LYRM4: variants seen among roughly 807,000 people sequenced by gnomAD.
The protein encoded by LYRM4 is LYR motif-containing protein 4.
LYRM4 carries 9 observed loss-of-function variants against 11.7 expected under a neutral mutation model. The ratio of observed to expected loss-of-function variants is 0.77; its 90% CI spans 0.46 to 1.34. The LOEUF is 1.34. LYRM4 is among the 40% of genes most tolerant of loss of function. The pLI is 0.00. For synonymous variants in LYRM4, 42 were observed against 40.4 expected (o/e 1.04, Z -0.15); for missense variants, 133 against 112.5 (o/e 1.18, Z -0.82).
intron 2 of LYRM4, among the ~76,000 whole-genome samples, chr6:5,216,131 C>T (rs765594226): frequency 1.3e-5 from 2 of 152,184 alleles, no homozygotes; most frequent in South Asian, 2.1e-4. Flanking sequence ...AGCACCCAAG[C>T]AGCTGTACTT....
chr6:5,210,429 T>A (rs570049106), intron 2 of LYRM4, among the ~76,000 whole-genome samples: 1 of 152,026 alleles, frequency 6.6e-6, no homozygotes, highest in Admixed American at 6.6e-5. Context: ...AATACCAGCA[T>A]CTGAAGAATT....
the LYRM4 span, among the ~76,000 whole-genome samples, chr6:5,079,304 G>T: frequency 6.6e-6 from 1 of 152,162 alleles, no homozygotes; most frequent in Non-Finnish European, 1.5e-5. Flanking sequence ...TAATTTAGTA[G>T]GTTTGTTTAC....
the LYRM4 span, chr6:5,089,537 T>C: frequency 6.6e-6 from 1 of 152,208 alleles, no homozygotes; most frequent in African/African-American, 2.4e-5. Context: ...AAATCTGGAC[T>C]CAAACAAGAG....
At chr6:5,085,411 C>A in the LYRM4 span, 2 of 1,140,644 alleles carry the variant, frequency 1.8e-6, no homozygotes, top group Non-Finnish European at 2.4e-6. Context: ...TGCGCTCCTT[C>A]CACGGCCCGA....
At chr6:5,242,718 T>C (rs1763955430) in intron 1 of LYRM4, among the ~76,000 whole-genome samples, 1 of 149,876 alleles carries the variant, frequency 6.7e-6, no homozygotes, top group South Asian at 2.1e-4. Flanking sequence ...AAACCCCTTC[T>C]CAAAACAACA....
In LYRM4 at chr6:5,138,858, G is replaced by A. The variant is rs559175282; in HGVS notation, c.208-29367C>T. On this transcript the variant is annotated intron_variant, in intron 2 of 2. Transcript: ENST00000330636. ...GGTGTTTAAGACAGGTTAAAAGCTA[G>A]AAATGAGATTAATCCTTTAGACATA... is the stretch of plus-strand genomic sequence containing the variant. The A allele has an allele frequency of 2.6e-5, 18 of 687,158 alleles. No homozygotes were observed. The African/African-American group carries it at 3.3e-4, about 13-fold the overall frequency. 42.6% of individuals were successfully genotyped at this position (687,158 alleles called of 1,614,324 possible). A position where few individuals can be genotyped will look rare whatever the true frequency, so the allele number is the denominator to read the frequency against.
chr6:5,173,170 A>G (rs60612953), intron 2 of LYRM4, among the ~76,000 whole-genome samples: 1 of 152,222 alleles, frequency 6.6e-6, no homozygotes, highest in African/African-American at 2.4e-5. Flanking sequence ...GCTGTTTTCA[A>G]CCATCTGTCC....
chr6:5,253,613 CAAG>C (rs1421801637), intron 1 of LYRM4, among the ~76,000 whole-genome samples: 1 of 152,044 alleles, frequency 6.6e-6, no homozygotes, highest in Non-Finnish European at 1.5e-5. Context: ...TGTGGTGGTT[CAAG>C]AAGTTTTGCA....
rs560767675 is a variant in LYRM4, at chr6:5,108,698, G to A, written c.*725C>T. 1 of 844,952 alleles carries A rather than the reference G, an allele frequency of 1.2e-6. No homozygotes were observed. The highest frequency in any genetic ancestry group is 1.8e-5 in the African/African-American group (1 of 54,498). 52.3% of individuals were successfully genotyped at this position (844,952 alleles called of 1,614,324 possible). ...GCTTCAGGGTATGGGAGTCGCCCTGGGCTTGGGTCAGGCTGGGGCTCTCTC... is the reference window on the plus strand; with the variant it reads ...GCTTCAGGGTATGGGAGTCGCCCTGAGCTTGGGTCAGGCTGGGGCTCTCTC... On this transcript the variant is annotated 3_prime_UTR_variant, in exon 3 of 3. Transcript: ENST00000330636.
At chr6:5,062,255 T>C in the LYRM4 span, among the ~76,000 whole-genome samples, 9 of 135,232 alleles carry the variant, frequency 6.7e-5, no homozygotes, top group East Asian at 1.6e-3. Context: ...AGCTAATTAA[T>C]ATATATTAAT....
chr6:5,241,704 G>C (rs572273347), intron 1 of LYRM4, among the ~76,000 whole-genome samples: 10 of 152,156 alleles, frequency 6.6e-5, no homozygotes, highest in Non-Finnish European at 1.0e-4. Flanking sequence ...CCAGTGCCTA[G>C]AACAGTGCCT....
chr6:5,062,081 CTTTTTTTTT>C, the LYRM4 span, among the ~76,000 whole-genome samples: 6 of 117,280 alleles, frequency 5.1e-5, no homozygotes, highest in Non-Finnish European at 8.8e-5. Flanking sequence ...CTTCCTTCTT[CTTTTTTTTT>C]TTTTTTTTTT....
chr6:5,197,544 G>A (rs2746226), intron 2 of LYRM4, among the ~76,000 whole-genome samples: 44,374 of 151,598 alleles, frequency 0.29, 6,792 homozygotes, highest in African/African-American at 0.39. Context: ...GCATGGTGGC[G>A]GGTGCCTGTA....
intron 2 of LYRM4, among the ~76,000 whole-genome samples, chr6:5,125,478 G>A (rs1009986527): frequency 5.3e-5 from 8 of 152,174 alleles, no homozygotes; most frequent in African/African-American, 7.2e-5. Context: ...AGTGCCTCGC[G>A]TGGTGCCTCA....
At chr6:5,100,992 G>A (rs555079610), downstream of LYRM4, among the ~76,000 whole-genome samples, 36 of 152,100 alleles carry the variant, frequency 2.4e-4, no homozygotes, top group East Asian at 5.4e-3. Context: ...TTACGTCTCC[G>A]TGCCTGCCAC....
In LYRM4 at chr6:5,231,439, C is replaced by T. The variant is rs75405496; in HGVS notation, c.87-14701G>A. 6.0e-3 allele frequency among the ~76,000 whole-genome samples: 916 copies of T among 152,308 alleles called. 10 individuals carry two copies. Among genetic ancestry groups the T allele is most frequent in the South Asian group, 0.043 (209 of 4,824 alleles). On this transcript the variant is annotated intron_variant, in intron 1 of 2. Transcript: ENST00000330636. ...CCTCTGTTCCCTCAATCCCTGAATA[C>T]TGGATTGAATCCAGGGCAAGAGAGC...
chr6:5,198,847 A>G (rs1173680499), intron 2 of LYRM4, among the ~76,000 whole-genome samples: 2 of 152,214 alleles, frequency 1.3e-5, no homozygotes, highest in Non-Finnish European at 2.9e-5. Context: ...TATAAAAGGT[A>G]TATCTTACAC....
intron 1 of LYRM4, among the ~76,000 whole-genome samples, chr6:5,235,272 A>G (rs1194649348): frequency 2.0e-5 from 3 of 151,946 alleles, no homozygotes; most frequent in African/African-American, 7.3e-5. Flanking sequence ...CCTCCTGAAT[A>G]GCTGGGATTA....
intron 1 of LYRM4, among the ~76,000 whole-genome samples, chr6:5,229,003 C>CAAAA (rs70974180): frequency 6.1e-4 from 23 of 37,952 alleles, no homozygotes; most frequent in African/African-American, 6.8e-4. Flanking sequence ...GGCTCAGTCT[C>CAAAA]AAAAAAAAAA....
Sources: allele counts gnomAD v4.1 joint callset (sites outside exome capture counted in the v4.1 genomes callset), GRCh38; gene constraint gnomAD v4.1.1; transcripts MANE v1.5; gene names NCBI Gene and HGNC (gene_info 2026-07-23, HGNC 2026-07-21).